Variants in GDF11 observed in about 807,000 individuals in gnomAD.
The protein encoded by GDF11 is growth differentiation factor 11, also known as growth/differentiation factor 11.
GDF11 carries 12 observed loss-of-function variants against 34.4 expected under a neutral mutation model. That is an observed-to-expected ratio of 0.35 (90% CI 0.22 to 0.57). The LOEUF is 0.57. Among genes scored for constraint, GDF11 ranks in the 20% least tolerant of loss-of-function variants. The probability of loss-of-function intolerance (pLI) is 0.86; values close to 1 mark genes in which losing one functional copy is unlikely to be tolerated. For missense variants in GDF11, 346 were observed against 548.2 expected, an observed-to-expected ratio of 0.63 and a Z score of 3.68; for synonymous variants, 212 against 231.1, an observed-to-expected ratio of 0.92 and a Z score of 0.75.
In GDF11 at chr12:55,743,379, G is replaced by T. The variant is rs766687970; in HGVS notation, c.63G>T (p.Arg21=). 9 of 987,886 alleles carry T rather than the reference G, an allele frequency of 9.1e-6. No individual in the cohort carries two copies. In the Admixed American group the frequency reaches 1.9e-4, roughly 21 times the overall value. 61.2% of individuals were successfully genotyped at this position (987,886 alleles called of 1,614,324 possible). A position where few individuals can be genotyped will look rare whatever the true frequency, so the allele number is the denominator to read the frequency against. The part of the protein sequence containing the change: ...FLLLALELRP[R]GEAAEGPAAA... The stretch of plus-strand genomic sequence containing the variant: ...TCCTCGCCCTGGAGCTGCGGCCCCG[G>T]GGGGAGGCGGCCGAGGGCCCCGCGG... The change falls in exon 1 of 3, where the codon CGG becomes CGT. Residue 21 remains arginine (R), a synonymous_variant. Transcript: ENST00000257868.
chr12:55,748,779 C>T lies in GDF11; in HGVS notation c.639C>T (p.Gly213=), dbSNP rs768167112. ...GGGAAGGGACCGCAGGGGGAGGGGG[C>T]GGAGGCCGGCGTCACATCCGTATCC... ...LTGEGTAGGG[G]GGRRHIRIRS... is the part of the protein sequence containing the mutation. Residue 213 remains glycine, a synonymous_variant, in exon 2 of 3, where the codon GGC becomes GGT. Coordinates refer to ENST00000257868, the MANE Select transcript of GDF11 (RefSeq NM_005811.5). The surrounding 1 kb of genome is among the most constrained non-coding windows in gnomAD (Gnocchi z 5.6). 19 of 1,614,016 alleles carry T rather than the reference C, an allele frequency of 1.2e-5. No individual in the cohort carries two copies. Among genetic ancestry groups the T allele is most frequent in the Admixed American group, 1.7e-5 (1 of 60,010 alleles).
Position 55,745,561 on chromosome 12 carries a change from A to C in GDF11, c.445+1800A>C, listed in dbSNP as rs560522455. ...TACGTCCCCTTTAAGAGCCTAGCTG[A>C]GCTCTTAAGAGAGGGAGGGGGAGTG... On this transcript the variant is annotated intron_variant, in intron 1 of 2. Coordinates refer to ENST00000257868, the MANE Select transcript of GDF11 (RefSeq NM_005811.5). Among the ~76,000 whole-genome samples, 162 of 132,276 alleles carry C rather than the reference A, an allele frequency of 1.2e-3. 4 individuals are homozygous for C. In the Middle Eastern group the frequency reaches 0.041, roughly 34 times the overall value. 86.8% of individuals were successfully genotyped at this position (132,276 alleles called of 152,430 possible).
Position 55,750,979 on chromosome 12 carries a change from C to T in GDF11, c.*1097C>T, listed in dbSNP as rs1380149187. 1 of 152,080 alleles carries T rather than the reference C, an allele frequency of 6.6e-6. No homozygotes were observed. The highest frequency in any genetic ancestry group is 2.4e-5 in the African/African-American group (1 of 41,390). 9.4% of individuals were successfully genotyped at this position (152,080 alleles called of 1,614,324 possible). ...GTCAATTAGAGAGAGTATAGAGACC[C>T]CAGAGTCCCCTGGGTCTGGAAAGCG... is the stretch of plus-strand genomic sequence containing the variant. On this transcript the variant is annotated 3_prime_UTR_variant, in exon 3 of 3. Transcript: ENST00000257868.
chr12:55,753,418 C>T lies in GDF11; in HGVS notation c.*3536C>T, dbSNP rs1177019512. ...TTCCCATGTACCTAGAGCACAATTC[C>T]CCAGGAATATGAGTTGGGAATGGCA... On this transcript the variant is annotated 3_prime_UTR_variant, in exon 3 of 3. Transcript: ENST00000257868. 1 of 152,100 alleles carries T rather than the reference C, an allele frequency of 6.6e-6. No homozygotes were observed. The highest frequency in any genetic ancestry group is 1.5e-5 in the Non-Finnish European group (1 of 68,026). 9.4% of individuals were successfully genotyped at this position (152,100 alleles called of 1,614,324 possible).
At position 55,748,595 on chromosome 12, in the gene GDF11, C is replaced by T; in HGVS notation, c.455C>T (p.Ala152Val). The T allele has an allele frequency of 6.2e-7, 1 of 1,610,500 alleles. No homozygotes were observed. The change falls in exon 2 of 3, where the codon GCA (alanine) becomes GTA (valine). Residue 152 changes from alanine (A) to valine (V), a missense_variant. Ala to Val is a moderately conservative substitution (Grantham distance 64). Around this residue, in one of 3 missense-constraint regions of GDF11, gnomAD observed 141 missense variants for 213.8 expected, o/e 0.66. Coordinates refer to ENST00000257868, the MANE Select transcript of GDF11 (RefSeq NM_005811.5). This position sits in a 1 kb window ranked among gnomAD's most constrained non-coding sequence, Gnocchi z 5.6. ...CCTTCTCTCTTATCAGCGGACCCAG[C>T]AGTACAGACAGATGGCAGCCCTCTC... ...VISMAQETDP[A>V]VQTDGSPLCC...
rs1246105604 is a variant in GDF11, at chr12:55,755,360, A to G, written c.*5478A>G. The stretch of plus-strand genomic sequence containing the variant: ...GGCAGTTTAGAGTGAGAGTGGAAAA[A>G]AAGAATAATCCTAGAGAACCATAAA... On this transcript the variant is annotated 3_prime_UTR_variant, in exon 3 of 3. Coordinates refer to ENST00000257868, the MANE Select transcript of GDF11 (RefSeq NM_005811.5). 6.6e-6 allele frequency: 1 copy of G among 152,170 alleles called. No homozygotes were observed. Among genetic ancestry groups the G allele is most frequent in the Non-Finnish European group, 1.5e-5 (1 of 68,034 alleles). The allele number at this position is 152,170 out of a possible 1,614,324, so 9.4% of individuals were successfully genotyped here. A position where few individuals can be genotyped will look rare whatever the true frequency, so the allele number is the denominator to read the frequency against.
At position 55,754,572 on chromosome 12, in the gene GDF11, G is replaced by A. The variant is rs1244604650; in HGVS notation, c.*4690G>A. 7 of 152,176 alleles carry A rather than the reference G, an allele frequency of 4.6e-5. No homozygotes were observed. The highest frequency in any genetic ancestry group is 8.8e-5 in the Non-Finnish European group (6 of 68,034). The allele number at this position is 152,176 out of a possible 1,614,324, so 9.4% of individuals were successfully genotyped here. A position where few individuals can be genotyped will look rare whatever the true frequency, so the allele number is the denominator to read the frequency against. On this transcript the variant is annotated 3_prime_UTR_variant, in exon 3 of 3. Coordinates refer to ENST00000257868, the MANE Select transcript of GDF11 (RefSeq NM_005811.5). ...CTCAAAATACGACTGCATTAACTGG[G>A]TGTATGCACACACAAACATGTTCAA...
At chr12:55,745,418 G>C (rs1481101811) in intron 1 of GDF11, among the ~76,000 whole-genome samples, 1 of 152,026 alleles carries the variant, frequency 6.6e-6, no homozygotes, top group Non-Finnish European at 1.5e-5. Flanking sequence ...GGGCTGTGCA[G>C]GTGAGGCCTG....
chr12:55,749,955 C>A lies in GDF11; in HGVS notation c.*73C>A. ...CTAGCCCTGCCCCCATCCCCCCAAG[C>A]CCTAGAGCTCCCTCCACTCTTCCCG... On this transcript the variant is annotated 3_prime_UTR_variant, in exon 3 of 3. Transcript: ENST00000257868. This position sits in a 1 kb window ranked among gnomAD's most constrained non-coding sequence, Gnocchi z 5.6. 3 of 1,251,534 alleles carry A rather than the reference C, an allele frequency of 2.4e-6. No individual in the cohort carries two copies. Among genetic ancestry groups the A allele is most frequent in the South Asian group, 1.4e-5 (1 of 73,236 alleles). The allele number at this position is 1,251,534 out of a possible 1,614,324, so 77.5% of individuals were successfully genotyped here.
At position 55,748,449 on chromosome 12, in the gene GDF11, A is replaced by G. The variant is rs1878229979; in HGVS notation, c.446-137A>G. 3 of 736,522 alleles carry G rather than the reference A, an allele frequency of 4.1e-6. No individual in the cohort carries two copies. The highest frequency in any genetic ancestry group is 1.7e-5 in the South Asian group (1 of 58,842). 45.6% of individuals were successfully genotyped at this position (736,522 alleles called of 1,614,324 possible). Reference sequence around the variant, plus strand: ...CTGTTTTAGGTACCGGAGACATGGTATAAGATAGGCATGGGAGAAGGGTAA... The same window carrying G: ...CTGTTTTAGGTACCGGAGACATGGTGTAAGATAGGCATGGGAGAAGGGTAA... On this transcript the variant is annotated intron_variant, in intron 1 of 2. Coordinates refer to ENST00000257868, the MANE Select transcript of GDF11 (RefSeq NM_005811.5). The surrounding 1 kb of genome is among the most constrained non-coding windows in gnomAD (Gnocchi z 5.6).
Position 55,757,248 on chromosome 12 carries a change from GAGCAC to G in GDF11, c.*7367_*7371del, listed in dbSNP as rs1878534865. 1 of 314,618 alleles carries G rather than the reference GAGCAC, an allele frequency of 3.2e-6. No individual in the cohort carries two copies. The highest frequency in any genetic ancestry group is 5.9e-6 in the Non-Finnish European group (1 of 169,424). 19.5% of individuals were successfully genotyped at this position (314,618 alleles called of 1,614,324 possible). ...CTAATCTAGCTCCAATAAATCAAAG[GAGCAC>G]CTAATAAAACACATTGTTCTCTTTT... On this transcript the variant is annotated 3_prime_UTR_variant, in exon 3 of 3. Transcript: ENST00000257868.
In GDF11 at chr12:55,749,602, G is replaced by A. The variant is rs761420405; in HGVS notation, c.944G>A (p.Arg315Gln). 3.7e-6 allele frequency: 6 copies of A among 1,614,010 alleles called. No homozygotes were observed. Among genetic ancestry groups the A allele is most frequent in the Non-Finnish European group, 4.2e-6 (5 of 1,180,030 alleles). Reference sequence around the variant, plus strand: ...CACTCAAGCGAGTCCCGCTGCTGCCGATATCCCCTCACAGTGGACTTTGAG... The same window carrying A: ...CACTCAAGCGAGTCCCGCTGCTGCCAATATCCCCTCACAGTGGACTTTGAG... Reference protein sequence around the residue: ...DEHSSESRCCRYPLTVDFEAF... With the variant: ...DEHSSESRCCQYPLTVDFEAF... The change falls in exon 3 of 3, where the codon CGA becomes CAA. Residue 315 changes from arginine to glutamine, a missense_variant. Transcript: ENST00000257868. The surrounding 1 kb of genome is among the most constrained non-coding windows in gnomAD (Gnocchi z 5.6).
rs914242615 is a variant in GDF11 at position 55,752,230 on chromosome 12, C to G, written c.*2348C>G. 1 of 152,156 alleles carries G rather than the reference C, an allele frequency of 6.6e-6. No individual in the cohort carries two copies. The highest frequency in any genetic ancestry group is 1.5e-5 in the Non-Finnish European group (1 of 68,030). The allele number at this position is 152,156 out of a possible 1,614,324, so 9.4% of individuals were successfully genotyped here. A position where few individuals can be genotyped will look rare whatever the true frequency, so the allele number is the denominator to read the frequency against. ...TACCTCCCTCCAAGGTCAAATGCCT[C>G]GTGATCTTGGCAGAGTAGGGATTGG... On this transcript the variant is annotated 3_prime_UTR_variant, in exon 3 of 3. Transcript: ENST00000257868.
Position 55,748,111 on chromosome 12 carries a change from G to T in GDF11, c.446-475G>T, listed in dbSNP as rs1359963093. ...GACCCTGGGTTATCCCCTCTCTGAGGCCATCTGTGTTATTTTGTGGGGGAG... is the reference window on the plus strand; with the variant it reads ...GACCCTGGGTTATCCCCTCTCTGAGTCCATCTGTGTTATTTTGTGGGGGAG... On this transcript the variant is annotated intron_variant, in intron 1 of 2. Transcript: ENST00000257868. This position sits in a 1 kb window ranked among gnomAD's most constrained non-coding sequence, Gnocchi z 5.6. Among the ~76,000 whole-genome samples, 1 of 152,198 alleles carries T rather than the reference G, an allele frequency of 6.6e-6. No homozygotes were observed. The highest frequency in any genetic ancestry group is 2.4e-5 in the African/African-American group (1 of 41,452).
chr12:55,745,058 C>T (rs895305703), intron 1 of GDF11, among the ~76,000 whole-genome samples: 1 of 152,032 alleles, frequency 6.6e-6, no homozygotes, highest in African/African-American at 2.4e-5. Context: ...TATGGGGATC[C>T]GGTCTGGGGT....
rs1330961666 is a variant in GDF11, at chr12:55,752,344, A to C, written c.*2462A>C. On this transcript the variant is annotated 3_prime_UTR_variant, in exon 3 of 3. Transcript: ENST00000257868. ...ACACTTAGAATACAGCTCCTTAAATACCACCAAATAAAGACCTTTGTGTGT... is the reference window on the plus strand; with the variant it reads ...ACACTTAGAATACAGCTCCTTAAATCCCACCAAATAAAGACCTTTGTGTGT... 7.8e-6 allele frequency: 1 copy of C among 128,358 alleles called. No individual in the cohort carries two copies. Among genetic ancestry groups the C allele is most frequent in the Non-Finnish European group, 1.6e-5 (1 of 63,132 alleles). 8.0% of individuals were successfully genotyped at this position (128,358 alleles called of 1,614,324 possible). A position where few individuals can be genotyped will look rare whatever the true frequency, so the allele number is the denominator to read the frequency against.
chr12:55,747,911 T>C (rs1445750075), intron 1 of GDF11, among the ~76,000 whole-genome samples: 1 of 152,188 alleles, frequency 6.6e-6, no homozygotes, highest in Admixed American at 6.5e-5. Context: ...ATGGTGATGA[T>C]GATGGAGCAG....
rs183938060 is a variant in GDF11 at position 55,752,665 on chromosome 12, G to A, written c.*2783G>A. On this transcript the variant is annotated 3_prime_UTR_variant, in exon 3 of 3. Transcript: ENST00000257868. Reference sequence around the variant, plus strand: ...AAGGGTGTCTGAGGAGTATGGAGCTGACAGGGGCATTGGAATGCCAGGAAA... The same window carrying A: ...AAGGGTGTCTGAGGAGTATGGAGCTAACAGGGGCATTGGAATGCCAGGAAA... 2 of 152,344 alleles carry A rather than the reference G, an allele frequency of 1.3e-5. No homozygotes were observed. The highest frequency in any genetic ancestry group is 3.9e-4 in the East Asian group (2 of 5,186). 9.4% of individuals were successfully genotyped at this position (152,344 alleles called of 1,614,324 possible). A position where few individuals can be genotyped will look rare whatever the true frequency, so the allele number is the denominator to read the frequency against.
At chr12:55,744,906 A>G (rs1231642191) in intron 1 of GDF11, among the ~76,000 whole-genome samples, 1 of 152,116 alleles carries the variant, frequency 6.6e-6, no homozygotes, top group East Asian at 1.9e-4. Context: ...CCCCCATGGG[A>G]GAGGCACAGG....
Sources: gnomAD v4.1 joint callset for allele counts (sites outside exome capture counted in the v4.1 genomes callset) on GRCh38, gnomAD v4.1.1 for gene constraint, gnomAD v4.1.1 regional missense constraint, Gnocchi (gnomAD v3.1) non-coding constraint, MANE v1.5 for transcripts, NCBI Gene and HGNC (gene_info 2026-07-23, HGNC 2026-07-21) for gene names.